Variants in PPP1CB observed in about 807,000 individuals in gnomAD.
PPP1CB encodes serine/threonine-protein phosphatase PP1-beta catalytic subunit.
PPP1CB carries 2 observed loss-of-function variants against 43.7 expected under a neutral mutation model. The ratio of observed to expected loss-of-function variants is 0.05; its 90% confidence interval spans 0.02 to 0.14. The LOEUF (loss-of-function observed/expected upper bound fraction) is 0.14. Ranked by LOEUF, PPP1CB falls within the 10% of genes least tolerant of loss-of-function variation. The probability of loss-of-function intolerance (pLI) is 1.00; values close to 1 mark genes in which losing one functional copy is unlikely to be tolerated. For synonymous variants in PPP1CB, 136 were observed against 135.6 expected (o/e 1.00, Z -0.02); for missense variants, 84 against 398.0 (o/e 0.21, Z 6.71).
intron 1 of PPP1CB, among the ~76,000 whole-genome samples, chr2:28,773,167 A>G (rs1229135619): frequency 2.6e-5 from 4 of 152,236 alleles, no homozygotes; most frequent in Admixed American, 6.5e-5. Context: ...TTACACCCAT[A>G]AAGTTAGTAT....
intron 1 of PPP1CB, among the ~76,000 whole-genome samples, chr2:28,753,522 C>G (rs866526225): frequency 6.6e-6 from 1 of 152,176 alleles, no homozygotes. Flanking sequence ...CCTTTACTAT[C>G]AAGTTATTCC....
chr2:28,784,972 C>T lies in PPP1CB; in HGVS notation c.592+994C>T, dbSNP rs569210783. 2.0e-5 allele frequency among the ~76,000 whole-genome samples: 3 copies of T among 146,884 alleles called. No individual in the cohort carries two copies. The East Asian group carries it at 6.0e-4, about 29-fold the overall frequency. ...AACAATCACCACAAAAAATGCTGCT[C>T]AGAACTACACATCAACCATTATAAA... On this transcript the variant is annotated intron_variant, in intron 5 of 7. Transcript: ENST00000395366.
At chr2:28,795,776 G>T (rs1667485929) in intron 7 of PPP1CB, among the ~76,000 whole-genome samples, 1 of 152,132 alleles carries the variant, frequency 6.6e-6, no homozygotes, top group South Asian at 2.1e-4. Context: ...TTATTTTGCT[G>T]TGCAGAAGCT....
upstream of PPP1CB, chr2:28,751,826 C>T (rs996530960): frequency 4.1e-6 from 2 of 488,220 alleles, no homozygotes; most frequent in African/African-American, 2.0e-5. Flanking sequence ...CGCTGGTGAG[C>T]TTTGCGGAGC....
intron 1 of PPP1CB, among the ~76,000 whole-genome samples, chr2:28,773,000 T>C (rs1040188600): frequency 2.0e-5 from 3 of 152,142 alleles, no homozygotes; most frequent in Admixed American, 1.3e-4. Flanking sequence ...CACAAATACA[T>C]CAAATCAATA....
rs989267993 is a variant in PPP1CB, at chr2:28,752,085, C to T, written c.-40C>T. On this transcript the variant is annotated 5_prime_UTR_variant, in exon 1 of 8. Coordinates refer to ENST00000395366, the MANE Select transcript of PPP1CB (RefSeq NM_002709.3). ...CCGCAGCCTCCGCCGCCGAGAAGCC[C>T]TTGTTCCCGCTGCTGGGAAGGAGAG... 4 of 1,548,220 alleles carry T rather than the reference C, an allele frequency of 2.6e-6. No individual in the cohort carries two copies. The highest frequency in any genetic ancestry group is 1.7e-6 in the Non-Finnish European group (2 of 1,144,518).
chr2:28,753,575 G>T (rs1247365867), intron 1 of PPP1CB, among the ~76,000 whole-genome samples: 1 of 151,994 alleles, frequency 6.6e-6, no homozygotes, highest in Non-Finnish European at 1.5e-5. Context: ...CACTACCTAA[G>T]ACTTTGTTTC....
At chr2:28,778,664 T>C (rs1381943957) in intron 2 of PPP1CB, 145 bp from the exon 3 acceptor site, 3 of 602,100 alleles carry the variant, frequency 5.0e-6, no homozygotes, top group African/African-American at 3.7e-5. Context: ...CATCTCACTT[T>C]CGCTTATTAG....
intron 1 of PPP1CB, among the ~76,000 whole-genome samples, chr2:28,758,530 C>T (rs140392447): frequency 1.1e-4 from 17 of 152,322 alleles, no homozygotes; most frequent in African/African-American, 4.1e-4. Flanking sequence ...TACCCTTAGG[C>T]AGCAGCCACT....
intron 5 of PPP1CB, among the ~76,000 whole-genome samples, chr2:28,787,391 A>G (rs1256087928): frequency 6.6e-6 from 1 of 152,152 alleles, no homozygotes; most frequent in African/African-American, 2.4e-5. Flanking sequence ...CCCGGGAGGC[A>G]GAGTTTGCAG....
chr2:28,789,593 A>ATTTTT (rs70956041), intron 6 of PPP1CB, among the ~76,000 whole-genome samples: 7 of 96,536 alleles, frequency 7.3e-5, no homozygotes, highest in Non-Finnish European at 1.1e-4. Context: ...TATGATTTAG[A>ATTTTT]TTTTTTTTTT....
At chr2:28,777,279 G>C (rs1396139817) in intron 2 of PPP1CB, 2 of 166,664 alleles carry the variant, frequency 1.2e-5, no homozygotes, top group Non-Finnish European at 2.6e-5. Flanking sequence ...GGTCTTAGAA[G>C]AAATTCAAAT....
chr2:28,759,754 A>T (rs941976888), intron 1 of PPP1CB, among the ~76,000 whole-genome samples: 4 of 151,386 alleles, frequency 2.6e-5, no homozygotes, highest in African/African-American at 9.7e-5. Flanking sequence ...AGTAGCTGGG[A>T]TTATAGGCGT....
chr2:28,783,545 C>T (rs1667199230), intron 4 of PPP1CB, among the ~76,000 whole-genome samples: 1 of 152,092 alleles, frequency 6.6e-6, no homozygotes, highest in Non-Finnish European at 1.5e-5. Context: ...ATCATGAGGT[C>T]AAGAGATCGA....
chr2:28,752,506 T>C (rs2148450239), intron 1 of PPP1CB, among the ~76,000 whole-genome samples: 1 of 152,316 alleles, frequency 6.6e-6, no homozygotes, highest in South Asian at 2.1e-4. Flanking sequence ...GCCGTGGTGC[T>C]CGCCTCCGGT....
intron 7 of PPP1CB, among the ~76,000 whole-genome samples, chr2:28,794,534 C>T (rs1472910647): frequency 1.3e-5 from 2 of 151,876 alleles, no homozygotes; most frequent in East Asian, 1.9e-4. Flanking sequence ...ACTAAAAATA[C>T]AAAAAAATTA....
chr2:28,763,727 C>CG (rs1558298568), intron 1 of PPP1CB, among the ~76,000 whole-genome samples: 1 of 152,142 alleles, frequency 6.6e-6, no homozygotes, highest in Non-Finnish European at 1.5e-5. Context: ...TGTTTTGAGA[C>CG]GGAGTCTCAC....
chr2:28,776,062 A>T (rs774121382), intron 1 of PPP1CB, among the ~76,000 whole-genome samples: 1 of 151,942 alleles, frequency 6.6e-6, no homozygotes, highest in Non-Finnish European at 1.5e-5. Flanking sequence ...ACTGCTGGTA[A>T]CATTCCAAGA....
At chr2:28,776,728 C>A in intron 1 of PPP1CB, 123 bp from the exon 2 acceptor site, 1 of 761,160 alleles carries the variant, frequency 1.3e-6, no homozygotes. Flanking sequence ...AACCATGGGA[C>A]CAAATAGGGT....
Sources: gnomAD v4.1 joint callset for allele counts (sites outside exome capture counted in the v4.1 genomes callset) on GRCh38, gnomAD v4.1.1 for gene constraint, MANE v1.5 for transcripts, NCBI Gene and HGNC (gene_info 2026-07-23, HGNC 2026-07-21) for gene names.